ZNF197: variants seen among roughly 807,000 people sequenced by gnomAD.
ZNF197 encodes zinc finger protein 197, also known as VHL-associated KRAB-A domain-containing protein.
In ZNF197, 14 loss-of-function variants were observed where a neutral mutation model predicts 27.4. The observed-to-expected ratio is 0.51, with a 90% CI of 0.34 to 0.80. The LOEUF (loss-of-function observed/expected upper bound fraction) is 0.80. Ranked by LOEUF, ZNF197 falls within the 30% of genes least tolerant of loss-of-function variation. The probability of loss-of-function intolerance (pLI) is 0.02; values close to 1 mark genes in which losing one functional copy is unlikely to be tolerated. For synonymous variants in ZNF197, 415 were observed against 420.0 expected, an observed-to-expected ratio of 0.99 and a Z score of 0.15; for missense variants, 1,090 against 1,222.6, an observed-to-expected ratio of 0.89 and a Z score of 1.62.
Position 44,629,169 on chromosome 3 carries a change from T to G in ZNF197, c.15T>G (p.Asn5Lys). ...AAAAAACAACAATGACAAGAGAAAA[T>G]GTAGCCCACAATGCTCTGAGACAAG... MTRE[N>K]VAHNALRQEG... The change falls in exon 2 of 6, where the codon AAT becomes AAG. Residue 5 changes from asparagine (N) to lysine (K), a missense_variant. Transcript: ENST00000344387. 1 of 1,607,168 alleles carries G rather than the reference T, an allele frequency of 6.2e-7. No individual in the cohort carries two copies. Among genetic ancestry groups the G allele is most frequent in the Non-Finnish European group, 8.5e-7 (1 of 1,177,934 alleles).
At chr3:44,637,354 C>G (rs1463358821) in intron 5 of ZNF197, among the ~76,000 whole-genome samples, 5 of 152,200 alleles carry the variant, frequency 3.3e-5, no homozygotes, top group Non-Finnish European at 4.4e-5. Flanking sequence ...TCTTGAACTC[C>G]TGGCCTCAAG....
Position 44,643,944 on chromosome 3 carries a change from C to T in ZNF197, c.2814C>T (p.Ser938=). The T allele has an allele frequency of 6.2e-7, 1 of 1,614,074 alleles. No individual in the cohort carries two copies. The highest frequency in any genetic ancestry group is 1.3e-5 in the African/African-American group (1 of 75,018). ...ATGAGTGTGACAAGTGTAGGAAATC[C>T]TTTACTTCTAAGAGGAATTTAGTTG... ...KPYECDKCRK[S]FTSKRNLVGH... The change falls in exon 6 of 6, where the codon TCC becomes TCT. Residue 938 remains serine (S), a synonymous_variant. Coordinates refer to ENST00000344387, the MANE Select transcript of ZNF197 (RefSeq NM_006991.5).
At chr3:44,628,973 T>C in intron 1 of ZNF197, 101 bp from the exon 2 acceptor site, 1 of 814,604 alleles carries the variant, frequency 1.2e-6, no homozygotes, top group Non-Finnish European at 1.9e-6. Context: ...CTCACAAAGG[T>C]TCTCTTTATT....
At chr3:44,627,530 C>T (rs1024495517) in intron 1 of ZNF197, among the ~76,000 whole-genome samples, 2 of 151,916 alleles carry the variant, frequency 1.3e-5, no homozygotes, top group Non-Finnish European at 2.9e-5. Flanking sequence ...CTTAAAAGCC[C>T]AATCCAAAAG....
intron 5 of ZNF197, 80 bp from the exon 6 acceptor site, chr3:44,641,820 T>A: frequency 6.9e-7 from 1 of 1,444,624 alleles, no homozygotes; most frequent in Non-Finnish European, 9.1e-7. Flanking sequence ...CTTCCTAGAA[T>A]GTTTTAAAGT....
At position 44,644,473 on chromosome 3, in the gene ZNF197, T is replaced by C. The variant is rs1702834242; in HGVS notation, c.*253T>C. 2 of 910,998 alleles carry C rather than the reference T, an allele frequency of 2.2e-6. No homozygotes were observed. The highest frequency in any genetic ancestry group is 2.8e-6 in the Non-Finnish European group (2 of 719,260). The allele number at this position is 910,998 out of a possible 1,614,324, so 56.4% of individuals were successfully genotyped here. ...GACCAACATGGTGAAACCCCATCTC[T>C]ACTAAAATACAAAAATTATCCGGGC... is the stretch of plus-strand genomic sequence containing the variant. On this transcript the variant is annotated 3_prime_UTR_variant, in exon 6 of 6. Transcript: ENST00000344387.
At position 44,640,045 on chromosome 3, in the gene ZNF197, CG is replaced by C. The variant is rs1281507767; in HGVS notation, c.770-1849del. 6.6e-6 allele frequency among the ~76,000 whole-genome samples: 1 copy of C among 152,152 alleles called. No individual in the cohort carries two copies. Among genetic ancestry groups the C allele is most frequent in the East Asian group, 1.9e-4 (1 of 5,174 alleles). On this transcript the variant is annotated intron_variant, in intron 5 of 5. Transcript: ENST00000344387. The surrounding 1 kb of genome is among the most constrained non-coding windows in gnomAD (Gnocchi z 4.0). ...GGCATGGATTAGGGCAGATGAAAGG[CG>C]GGGGGTGTCAGTGGTAGGAAAGCCT... is the stretch of plus-strand genomic sequence containing the variant.
chr3:44,635,188 T>G (rs1415189192), intron 5 of ZNF197, among the ~76,000 whole-genome samples: 2 of 146,240 alleles, frequency 1.4e-5, no homozygotes, highest in Non-Finnish European at 3.0e-5. Flanking sequence ...AAAAAACCAA[T>G]AAAATAATGT....
chr3:44,637,816 C>T (rs1702382661), intron 5 of ZNF197, among the ~76,000 whole-genome samples: 1 of 152,134 alleles, frequency 6.6e-6, no homozygotes, highest in Non-Finnish European at 1.5e-5. Context: ...GTCCTTTGAT[C>T]TATATGTCTA....
intron 2 of ZNF197, 192 bp from the exon 3 acceptor site, chr3:44,630,870 C>T (rs1014135021): frequency 1.3e-6 from 1 of 760,644 alleles, no homozygotes; most frequent in Non-Finnish European, 2.3e-6. Flanking sequence ...GTCACCAGTG[C>T]CATGAGTGGG....
At chr3:44,631,891 CA>C (rs1702030171) in intron 3 of ZNF197, among the ~76,000 whole-genome samples, 1 of 151,894 alleles carries the variant, frequency 6.6e-6, no homozygotes, top group Non-Finnish European at 1.5e-5. Flanking sequence ...TTAGTAGAGA[CA>C]GGGTTTCACC....
chr3:44,639,789 C>G (rs1246106123), intron 5 of ZNF197, among the ~76,000 whole-genome samples: 4 of 151,796 alleles, frequency 2.6e-5, no homozygotes, highest in African/African-American at 9.7e-5. Flanking sequence ...CAGTGATAGG[C>G]AAGAAATGAC....
rs536166949 is a variant in ZNF197 at position 44,627,830 on chromosome 3, CA to C, written c.-81-1227del. ...TGGGTGACAGAGCGAGACTCCATCT[CA>C]AAAAAAAAAAAAAAAAGAAATTTCC... On this transcript the variant is annotated intron_variant, in intron 1 of 5. Coordinates refer to ENST00000344387, the MANE Select transcript of ZNF197 (RefSeq NM_006991.5). Among the ~76,000 whole-genome samples the C allele has an allele frequency of 5.9e-3, 504 of 85,428 alleles. 2 individuals carry two copies. The highest frequency in any genetic ancestry group is 0.014 in the African/African-American group (329 of 23,184). 56.0% of individuals were successfully genotyped at this position (85,428 alleles called of 152,430 possible). A position where few individuals can be genotyped will look rare whatever the true frequency, so the allele number is the denominator to read the frequency against.
Position 44,645,641 on chromosome 3 carries a change from C to T in ZNF197, c.*1421C>T. 1 of 985,410 alleles carries T rather than the reference C, an allele frequency of 1.0e-6. No individual in the cohort carries two copies. The highest frequency in any genetic ancestry group is 1.2e-6 in the Non-Finnish European group (1 of 829,934). The allele number at this position is 985,410 out of a possible 1,614,324, so 61.0% of individuals were successfully genotyped here. Reference sequence around the variant, plus strand: ...CAGAGGGAAAAAAATCCTTGACCCGCAGTTGAGCTGATGATCCCTGCCACA... The same window carrying T: ...CAGAGGGAAAAAAATCCTTGACCCGTAGTTGAGCTGATGATCCCTGCCACA... On this transcript the variant is annotated 3_prime_UTR_variant, in exon 6 of 6. Transcript: ENST00000344387.
rs750882943 is a variant in ZNF197 at position 44,646,518 on chromosome 3, A to G, written c.*2298A>G. 6 of 1,524,358 alleles carry G rather than the reference A, an allele frequency of 3.9e-6. No individual in the cohort carries two copies. The highest frequency in any genetic ancestry group is 5.5e-6 in the Non-Finnish European group (6 of 1,098,198). 94.4% of individuals were successfully genotyped at this position (1,524,358 alleles called of 1,614,324 possible). ...TACAGGAAATACAGGAGGCAGAGGA[A>G]CAAATAAAAGACACCACGAGAAACA... On this transcript the variant is annotated 3_prime_UTR_variant, in exon 6 of 6. Coordinates refer to ENST00000344387, the MANE Select transcript of ZNF197 (RefSeq NM_006991.5).
chr3:44,629,644 T>C (rs1701870662), intron 2 of ZNF197, 100 bp downstream of exon 2: 3 of 1,369,388 alleles, frequency 2.2e-6, no homozygotes, highest in Non-Finnish European at 2.9e-6. Context: ...TAAAAATTAA[T>C]AGCATTAATA....
intron 4 of ZNF197, 59 bp downstream of exon 4, chr3:44,632,255 C>A: frequency 6.3e-7 from 1 of 1,581,314 alleles, no homozygotes; most frequent in Non-Finnish European, 8.7e-7. Flanking sequence ...CTGAAGTGCC[C>A]TCTCTCATCC....
At chr3:44,631,350 C>A in intron 3 of ZNF197, 129 bp downstream of exon 3, 2 of 1,178,198 alleles carry the variant, frequency 1.7e-6, no homozygotes, top group South Asian at 1.5e-5. Context: ...TTTCTTTCTG[C>A]TGTTCTGTTG....
rs541327357 is a variant in ZNF197, at chr3:44,628,317, C to T, written c.-81-757C>T. Among the ~76,000 whole-genome samples, 6 of 152,122 alleles carry T rather than the reference C, an allele frequency of 3.9e-5. No homozygotes were observed. In the East Asian group the frequency reaches 1.2e-3, roughly 29 times the overall value. ...TAAAGAGCAGATGATTTCTAGAGAGCAAGTCTAAGTTCTGTATAATAAAAC... is the reference window on the plus strand; with the variant it reads ...TAAAGAGCAGATGATTTCTAGAGAGTAAGTCTAAGTTCTGTATAATAAAAC... On this transcript the variant is annotated intron_variant, in intron 1 of 5. Transcript: ENST00000344387.
Sources: allele counts gnomAD v4.1 joint callset (sites outside exome capture counted in the v4.1 genomes callset), GRCh38; gene constraint gnomAD v4.1.1; non-coding constraint Gnocchi (gnomAD v3.1); transcripts MANE v1.5; gene names NCBI Gene and HGNC (gene_info 2026-07-23, HGNC 2026-07-21).